NYAP2: variants seen among roughly 807,000 people sequenced by gnomAD.
NYAP2 encodes the protein neuronal tyrosine-phosphorylated phosphoinositide-3-kinase adapter 2.
Under a neutral mutation model 50.4 loss-of-function variants are expected in NYAP2, and 23 were observed. The observed-to-expected ratio is 0.46, with a 90% confidence interval of 0.33 to 0.65. The LOEUF is 0.65. NYAP2 is among the 30% of genes least tolerant of loss of function. The probability of loss-of-function intolerance (pLI) is 0.02; values close to 1 mark genes in which losing one functional copy is unlikely to be tolerated. For synonymous variants in NYAP2, 394 were observed against 365.2 expected (o/e 1.08, Z -0.90); for missense variants, 885 against 861.0 (o/e 1.03, Z -0.35).
intron 3 of NYAP2, among the ~76,000 whole-genome samples, chr2:225,448,867 A>G (rs1001150287): frequency 4.6e-5 from 7 of 152,130 alleles, no homozygotes; most frequent in Non-Finnish European, 8.8e-5. Context: ...ATTTATATTC[A>G]TGGCCCATGG....
At chr2:225,482,023 T>C (rs935275594) in intron 3 of NYAP2, among the ~76,000 whole-genome samples, 1 of 152,128 alleles carries the variant, frequency 6.6e-6, no homozygotes, top group African/African-American at 2.4e-5. Context: ...CATACACTTA[T>C]AGCATACTGT....
chr2:225,502,790 T>C (rs1690630203), intron 3 of NYAP2, among the ~76,000 whole-genome samples: 1 of 152,216 alleles, frequency 6.6e-6, no homozygotes, highest in Non-Finnish European at 1.5e-5. Flanking sequence ...ACCTGCCTTA[T>C]ACTTCTTGTG....
chr2:225,643,105 A>T (rs1693561119), intron 6 of NYAP2, among the ~76,000 whole-genome samples: 1 of 152,196 alleles, frequency 6.6e-6, no homozygotes, highest in Admixed American at 6.6e-5. Flanking sequence ...TTATTTTAAC[A>T]AATTTCATTT....
the NYAP2 span, among the ~76,000 whole-genome samples, chr2:225,661,388 G>A: frequency 6.6e-6 from 1 of 152,132 alleles, no homozygotes; most frequent in Admixed American, 6.6e-5. Flanking sequence ...ATTCTGTGCT[G>A]CAAATGAACA....
chr2:225,632,682 A>G (rs867061955), intron 6 of NYAP2, among the ~76,000 whole-genome samples: 13 of 152,332 alleles, frequency 8.5e-5, no homozygotes, highest in Middle Eastern at 3.4e-3. Context: ...GCTCATGAAC[A>G]TAATAGGAAA....
intron 4 of NYAP2, among the ~76,000 whole-genome samples, chr2:225,517,658 C>T (rs148183930): frequency 2.0e-4 from 31 of 152,146 alleles, no homozygotes; most frequent in South Asian, 1.9e-3. Context: ...AAGAAGGTGC[C>T]GTACAAATAG....
chr2:225,525,637 A>G (rs1427123278), intron 4 of NYAP2, among the ~76,000 whole-genome samples: 1 of 152,126 alleles, frequency 6.6e-6, no homozygotes, highest in Non-Finnish European at 1.5e-5. Context: ...AGAAGGATGG[A>G]TGGTGGTGAG....
chr2:225,512,852 TCTTCCTTCCTTC>T (rs762260450), intron 3 of NYAP2, among the ~76,000 whole-genome samples: 18,638 of 122,826 alleles, frequency 0.15, 1,671 homozygotes, highest in East Asian at 0.21. Flanking sequence ...TTTCTTTCTT[TCTTCCTTCCTTC>T]CTTCCTTCCT....
At chr2:225,661,684 A>G in the NYAP2 span, among the ~76,000 whole-genome samples, 1 of 151,718 alleles carries the variant, frequency 6.6e-6, no homozygotes, top group Non-Finnish European at 1.5e-5. Flanking sequence ...TGCTTTATGC[A>G]TAGTTGCCTC....
intron 3 of NYAP2, among the ~76,000 whole-genome samples, chr2:225,430,596 G>A (rs1695351940): frequency 6.6e-6 from 1 of 152,082 alleles, no homozygotes. Flanking sequence ...ACCACACTAT[G>A]AATTAGTTAC....
the NYAP2 span, among the ~76,000 whole-genome samples, chr2:225,682,736 T>C: frequency 3.3e-5 from 5 of 152,268 alleles, no homozygotes; most frequent in Admixed American, 3.3e-4. Flanking sequence ...GAATGAGACC[T>C]AGGAGTCTTG....
chr2:225,436,383 T>C (rs753722840), intron 3 of NYAP2, among the ~76,000 whole-genome samples: 1 of 152,192 alleles, frequency 6.6e-6, no homozygotes, highest in Non-Finnish European at 1.5e-5. Flanking sequence ...TAGCTTGACA[T>C]GGTTTGCTGA....
At chr2:225,536,789 T>G (rs1403392981) in intron 4 of NYAP2, among the ~76,000 whole-genome samples, 2 of 151,830 alleles carry the variant, frequency 1.3e-5, no homozygotes, top group African/African-American at 4.8e-5. Context: ...TTCTTTCTTT[T>G]TTTTTTTGAG....
chr2:225,675,031 C>A, the NYAP2 span, among the ~76,000 whole-genome samples: 1 of 152,074 alleles, frequency 6.6e-6, no homozygotes, highest in Non-Finnish European at 1.5e-5. Context: ...TTATTACCTT[C>A]TCAAATTATT....
downstream of NYAP2, among the ~76,000 whole-genome samples, chr2:225,656,559 T>TTA (rs1339402641): frequency 6.6e-6 from 1 of 152,152 alleles, no homozygotes; most frequent in African/African-American, 2.4e-5. Context: ...AGCTATGTCA[T>TTA]TATGTCAGCA....
intron 4 of NYAP2, among the ~76,000 whole-genome samples, chr2:225,572,738 G>C (rs1410184668): frequency 6.6e-6 from 1 of 152,144 alleles, no homozygotes; most frequent in Non-Finnish European, 1.5e-5. Context: ...TGACTCATAA[G>C]AATTATGTAT....
At chr2:225,631,397 C>T (rs1170180077) in intron 6 of NYAP2, among the ~76,000 whole-genome samples, 1 of 152,068 alleles carries the variant, frequency 6.6e-6, no homozygotes, top group African/African-American at 2.4e-5. Context: ...GAAGAAATGA[C>T]ATACATATTT....
chr2:225,662,672 C>T, the NYAP2 span, among the ~76,000 whole-genome samples: 1 of 152,232 alleles, frequency 6.6e-6, no homozygotes, highest in African/African-American at 2.4e-5. Context: ...CATTTAATGA[C>T]TTCTTTCCCA....
At chr2:225,616,722 G>A (rs753555734) in intron 5 of NYAP2, among the ~76,000 whole-genome samples, 3 of 152,048 alleles carry the variant, frequency 2.0e-5, no homozygotes, top group African/African-American at 4.8e-5. Context: ...GTTATCCTCC[G>A]AGAGGCAGGA....
Sources: allele counts gnomAD v4.1 joint callset (sites outside exome capture counted in the v4.1 genomes callset), GRCh38; gene constraint gnomAD v4.1.1; transcripts MANE v1.5; gene names NCBI Gene and HGNC (gene_info 2026-07-23, HGNC 2026-07-21).